MTREX: variants seen among roughly 807,000 people sequenced by gnomAD.
The protein encoded by MTREX is exosome RNA helicase MTR4.
A neutral mutation model predicts 135.4 loss-of-function variants in MTREX; 76 were observed. The ratio of observed to expected loss-of-function variants is 0.56; its 90% CI spans 0.47 to 0.68. MTREX has a LOEUF of 0.68. Ranked by LOEUF, MTREX falls within the 30% of genes least tolerant of loss-of-function variation. MTREX has a pLI of 0.00. For missense variants in MTREX, 920 were observed against 1,262.1 expected (o/e 0.73, Z 4.11); for synonymous variants, 404 against 401.6 (o/e 1.01, Z -0.07).
chr5:55,404,502 G>C (rs1306807563), intron 21 of MTREX, among the ~76,000 whole-genome samples: 2 of 152,104 alleles, frequency 1.3e-5, no homozygotes, highest in Non-Finnish European at 2.9e-5. Context: ...ACATCATGGG[G>C]GAAATATAGA....
chr5:55,317,168 T>A (rs555803714), intron 1 of MTREX, among the ~76,000 whole-genome samples: 1 of 152,262 alleles, frequency 6.6e-6, no homozygotes, highest in Admixed American at 6.5e-5. Flanking sequence ...AAACACCCCA[T>A]GCTCATGAAT....
chr5:55,311,246 T>C (rs1749107045), intron 1 of MTREX, among the ~76,000 whole-genome samples: 2 of 152,322 alleles, frequency 1.3e-5, no homozygotes, highest in South Asian at 4.1e-4. Flanking sequence ...AAGTTGTTTT[T>C]TCTCCCTAAA....
At chr5:55,402,708 C>T (rs1294619413) in intron 21 of MTREX, among the ~76,000 whole-genome samples, 1 of 151,478 alleles carries the variant, frequency 6.6e-6, no homozygotes, top group Non-Finnish European at 1.5e-5. Flanking sequence ...GGTTGTGTTA[C>T]AGCAATAAGA....
chr5:55,395,199 A>G (rs887521057), intron 19 of MTREX, among the ~76,000 whole-genome samples: 10 of 152,050 alleles, frequency 6.6e-5, no homozygotes, highest in Admixed American at 6.6e-4. Context: ...TGAGGTCAGG[A>G]GTTCGAGACC....
intron 5 of MTREX, among the ~76,000 whole-genome samples, chr5:55,335,731 A>G (rs1749543776): frequency 6.6e-6 from 1 of 152,220 alleles, no homozygotes; most frequent in Non-Finnish European, 1.5e-5. Context: ...AAAACTGGGC[A>G]CTTCCAGGTC....
At chr5:55,340,798 G>T (rs1749636481) in intron 6 of MTREX, among the ~76,000 whole-genome samples, 1 of 151,972 alleles carries the variant, frequency 6.6e-6, no homozygotes, top group African/African-American at 2.4e-5. Context: ...AGCCAGTATG[G>T]TCTCTATCTC....
At chr5:55,407,232 T>G (rs1750821848) in intron 22 of MTREX, among the ~76,000 whole-genome samples, 1 of 152,194 alleles carries the variant, frequency 6.6e-6, no homozygotes, top group Admixed American at 6.5e-5. Context: ...ACCAGGAGAC[T>G]GTGGTGAACA....
rs146581199 is a variant in MTREX at position 55,322,667 on chromosome 5, C to A, written c.272+203C>A. Among the ~76,000 whole-genome samples, 76 of 152,176 alleles carry A rather than the reference C, an allele frequency of 5.0e-4. No individual in the cohort carries two copies. In the East Asian group the frequency reaches 0.012, roughly 24 times the overall value. On this transcript the variant is annotated intron_variant, in intron 2 of 26. Coordinates refer to ENST00000230640, the MANE Select transcript of MTREX (RefSeq NM_015360.5). ...GGAAAGCAATATGGAAAATACTCAT[C>A]TTTTAATACTTTAGAATCCAGTTTT...
intron 25 of MTREX, among the ~76,000 whole-genome samples, chr5:55,416,491 G>A (rs1399421838): frequency 6.6e-6 from 1 of 151,940 alleles, no homozygotes; most frequent in African/African-American, 2.4e-5. Context: ...AAAAATAGCA[G>A]AGCTGAAAAT....
rs1202501020 is a variant in MTREX, at chr5:55,343,496, T to C, written c.906+41T>C. The stretch of plus-strand genomic sequence containing the variant: ...TTTTTGATGTCTTCAATATTCAAAA[T>C]GTTACAGATTAGTCTTGCTTTACTC... On this transcript the variant is annotated intron_variant, in intron 8 of 26. Coordinates refer to ENST00000230640, the MANE Select transcript of MTREX (RefSeq NM_015360.5). The C allele has an allele frequency of 3.2e-6, 5 of 1,555,684 alleles. No individual in the cohort carries two copies. In the Middle Eastern group the frequency reaches 8.5e-4, roughly 264 times the overall value.
chr5:55,332,410 A>T (rs77119215), intron 5 of MTREX, among the ~76,000 whole-genome samples: 1,576 of 152,212 alleles, frequency 0.01, 26 homozygotes, highest in African/African-American at 0.035. Context: ...AGAAACAGAT[A>T]AAAAAAATGG....
intron 8 of MTREX, among the ~76,000 whole-genome samples, chr5:55,343,937 G>A (rs188980225): frequency 1.4e-4 from 21 of 152,194 alleles, no homozygotes; most frequent in Admixed American, 8.5e-4. Context: ...GCTTGTAATA[G>A]GCATTTGTTT....
rs551466116 is a variant in MTREX, at chr5:55,413,489, C to G, written c.2752-693C>G. ...CTGTTATTCTCATCATAAGCCTACT[C>G]ATTTTGAGGATCTGGTTTTATTTTT... On this transcript the variant is annotated intron_variant, in intron 23 of 26. Transcript: ENST00000230640. Among the ~76,000 whole-genome samples the G allele has an allele frequency of 3.9e-5, 6 of 152,218 alleles. No individual in the cohort carries two copies. In the South Asian group the frequency reaches 1.2e-3, roughly 31 times the overall value.
At chr5:55,379,990 C>T (rs1489349027) in intron 18 of MTREX, among the ~76,000 whole-genome samples, 1 of 152,170 alleles carries the variant, frequency 6.6e-6, no homozygotes, top group Non-Finnish European at 1.5e-5. Flanking sequence ...GGCTGGAGTA[C>T]AGTGGCACGA....
intron 5 of MTREX, among the ~76,000 whole-genome samples, chr5:55,331,313 A>T (rs867067264): frequency 6.6e-6 from 1 of 152,146 alleles, no homozygotes; most frequent in Admixed American, 6.5e-5. Flanking sequence ...TTTTGTACAT[A>T]TTTGTGAGAT....
intron 18 of MTREX, among the ~76,000 whole-genome samples, chr5:55,382,801 T>C (rs1021601748): frequency 8.5e-5 from 13 of 152,068 alleles, no homozygotes; most frequent in African/African-American, 3.1e-4. Context: ...CCCAGCTAAT[T>C]TTTTGTATTT....
chr5:55,331,486 C>T (rs562163275), intron 5 of MTREX, among the ~76,000 whole-genome samples: 11 of 152,316 alleles, frequency 7.2e-5, no homozygotes, highest in Admixed American at 2.0e-4. Context: ...AGGTTTTCCA[C>T]TGTAGCTGGT....
chr5:55,397,530 T>C lies in MTREX; in HGVS notation c.2292+4T>C. 6.5e-7 allele frequency: 1 copy of C among 1,544,412 alleles called. No homozygotes were observed. Among genetic ancestry groups the C allele is most frequent in the Non-Finnish European group, 8.9e-7 (1 of 1,125,664 alleles). On this transcript the variant is annotated splice_donor_region_variant and intron_variant, in intron 20 of 26. Coordinates refer to ENST00000230640, the MANE Select transcript of MTREX (RefSeq NM_015360.5). ...GAGTGTTTTAAAATCAATACAGGTA[T>C]GTGTTAATTTCATAAGTTAAGTATA...
chr5:55,387,525 A>G (rs1280389290), intron 18 of MTREX, among the ~76,000 whole-genome samples: 6 of 152,118 alleles, frequency 3.9e-5, no homozygotes, highest in African/African-American at 1.4e-4. Context: ...TAGTTGTTAG[A>G]TCTTCAGAAT....
Sources: allele counts gnomAD v4.1 joint callset (sites outside exome capture counted in the v4.1 genomes callset), GRCh38; gene constraint gnomAD v4.1.1; transcripts MANE v1.5; gene names NCBI Gene and HGNC (gene_info 2026-07-23, HGNC 2026-07-21).